Variants in SEC14L4 observed in about 807,000 individuals in gnomAD.
The protein encoded by SEC14L4 is SEC14 like lipid binding 4.
A neutral mutation model predicts 55.1 loss-of-function variants in SEC14L4; 42 were observed. The ratio of observed to expected loss-of-function variants is 0.76; its 90% confidence interval spans 0.60 to 0.99. The LOEUF (loss-of-function observed/expected upper bound fraction) is 0.99, where lower values mean the gene tolerates loss of function less well. Among genes scored for constraint, SEC14L4 ranks in the 50% least tolerant of loss-of-function variants. The pLI is 0.00. For synonymous variants in SEC14L4, 206 were observed against 206.8 expected (o/e 1.00, Z 0.03); for missense variants, 445 against 512.1 (o/e 0.87, Z 1.27).
intron 2 of SEC14L4, among the ~76,000 whole-genome samples, chr22:30,500,603 C>A (rs1936287647): frequency 2.6e-5 from 4 of 151,296 alleles, no homozygotes; most frequent in African/African-American, 9.7e-5. Context: ...CTGGGTCAAG[C>A]AATCCTCCTG....
rs1935894909 is a variant in SEC14L4, at chr22:30,489,912, T to C, written c.*195A>G. ...AGGGAAAGAGGTTCCTGTCTGAATC[T>C]TCAGCATGGGCTATGCACTGGTGGC... On this transcript the variant is annotated 3_prime_UTR_variant, in exon 12 of 12. Transcript: ENST00000255858. 3.9e-6 allele frequency: 6 copies of C among 1,551,812 alleles called. No individual in the cohort carries two copies. The highest frequency in any genetic ancestry group is 5.2e-6 in the Non-Finnish European group (6 of 1,147,016).
At chr22:30,490,354 T>C in intron 11 of SEC14L4, 108 bp from the exon 12 acceptor site, 2 of 1,535,860 alleles carry the variant, frequency 1.3e-6, no homozygotes, top group Non-Finnish European at 1.8e-6. Flanking sequence ...GCTGCATCCC[T>C]GGAACGTCCT....
At chr22:30,495,147 C>T (rs1238934161) in intron 5 of SEC14L4, 107 bp downstream of exon 5, 3 of 1,201,460 alleles carry the variant, frequency 2.5e-6, no homozygotes, top group Non-Finnish European at 3.4e-6. Context: ...CCACATTCCA[C>T]CAGAGCCCTG....
chr22:30,499,036 GT>G (rs1936238916), intron 2 of SEC14L4, among the ~76,000 whole-genome samples: 1 of 151,948 alleles, frequency 6.6e-6, no homozygotes, highest in South Asian at 2.1e-4. Context: ...CGCCTCCCGG[GT>G]TCACGCCATT....
At position 30,495,424 on chromosome 22, in the gene SEC14L4, A is replaced by G; in HGVS notation, c.253T>C (p.Ser85Pro). ...TAGTCGTAGCCACAAAGACCACCCG[A>G]GTCATACAGCTGGATGACCTGGAAG... Reference protein sequence around the residue: ...QPPEVIQLYDSGGLCGYDYEG... With the variant: ...QPPEVIQLYDPGGLCGYDYEG... The change falls in exon 5 of 12, where the codon TCG (serine) becomes CCG (proline). Residue 85 changes from serine to proline, a missense_variant. Physicochemically the swap from Ser to Pro is moderately conservative, Grantham distance 74. Coordinates refer to ENST00000255858, the MANE Select transcript of SEC14L4 (RefSeq NM_174977.4). 4.3e-6 allele frequency: 7 copies of G among 1,613,756 alleles called. No homozygotes were observed. The highest frequency in any genetic ancestry group is 5.9e-6 in the Non-Finnish European group (7 of 1,179,830).
At chr22:30,503,172 G>A (rs1936383265) in intron 2 of SEC14L4, among the ~76,000 whole-genome samples, 1 of 152,208 alleles carries the variant, frequency 6.6e-6, no homozygotes, top group Admixed American at 6.5e-5. Context: ...TGAAGAAACT[G>A]AGGCTCAGTG....
chr22:30,490,041 G>A lies in SEC14L4; in HGVS notation c.*66C>T. On this transcript the variant is annotated 3_prime_UTR_variant, in exon 12 of 12. Coordinates refer to ENST00000255858, the MANE Select transcript of SEC14L4 (RefSeq NM_174977.4). The stretch of plus-strand genomic sequence containing the variant: ...CCACCTCCAGCACCACCCTGCCTGG[G>A]AAGGCAGGGGTCAGAGGGGTGGGTG... 1 of 1,597,228 alleles carries A rather than the reference G, an allele frequency of 6.3e-7. No homozygotes were observed. Among genetic ancestry groups the A allele is most frequent in the Non-Finnish European group, 8.5e-7 (1 of 1,170,816 alleles).
At chr22:30,495,512 G>A in intron 4 of SEC14L4, 70 bp from the exon 5 acceptor site, 1 of 1,608,250 alleles carries the variant, frequency 6.2e-7, no homozygotes, top group South Asian at 1.1e-5. Context: ...TCAGGTGGCT[G>A]GACGTGGTAG....
intron 2 of SEC14L4, among the ~76,000 whole-genome samples, chr22:30,499,107 A>AT (rs1032119157): frequency 6.6e-5 from 10 of 150,730 alleles, no homozygotes; most frequent in African/African-American, 1.2e-4. Flanking sequence ...CGCCCAGCTA[A>AT]TTTTTTTTTG....
chr22:30,494,602 C>G (rs749889335), intron 6 of SEC14L4, among the ~76,000 whole-genome samples: 15 of 152,154 alleles, frequency 9.9e-5, no homozygotes, highest in Non-Finnish European at 1.8e-4. Flanking sequence ...ATCCTGAACT[C>G]CTGCTCAAGG....
In SEC14L4 at chr22:30,494,280, C is replaced by G. The variant is rs137889805; in HGVS notation, c.520-70G>C. ...TCCCGCCCATGGGTTTCTGTGGCCT[C>G]TGATGCTGCTGAGACAAGAGGCCCA... On this transcript the variant is annotated intron_variant, in intron 6 of 11. Transcript: ENST00000255858. The G allele has an allele frequency of 4.6e-3, 5,514 of 1,208,128 alleles. 16 individuals carry two copies. Among genetic ancestry groups the G allele is most frequent in the Non-Finnish European group, 5.9e-3 (4,769 of 810,738 alleles). The allele number at this position is 1,208,128 out of a possible 1,614,324, so 74.8% of individuals were successfully genotyped here. A position where few individuals can be genotyped will look rare whatever the true frequency, so the allele number is the denominator to read the frequency against.
In SEC14L4 at chr22:30,495,813, G is replaced by A. The variant is rs545876771; in HGVS notation, c.174+115C>T. The A allele has an allele frequency of 3.8e-6, 6 of 1,591,664 alleles. No individual in the cohort carries two copies. The Admixed American group carries it at 1.0e-4, about 28-fold the overall frequency. On this transcript the variant is annotated intron_variant, in intron 3 of 11. Transcript: ENST00000255858. ...GGTCTGATGCAGAAAGAGATCGGGG[G>A]AGGAAGAAAGAAGAAACAGGAGAAT... is the stretch of plus-strand genomic sequence containing the variant.
chr22:30,504,165 C>T (rs2146207549), intron 1 of SEC14L4, among the ~76,000 whole-genome samples: 1 of 152,072 alleles, frequency 6.6e-6, no homozygotes, highest in South Asian at 2.1e-4. Context: ...TCAATAGATC[C>T]TCCCAGCTCA....
intron 5 of SEC14L4, 63 bp downstream of exon 5, chr22:30,495,191 C>G: frequency 6.9e-7 from 1 of 1,455,288 alleles, no homozygotes; most frequent in South Asian, 1.4e-5. Flanking sequence ...AGGGTGCCAC[C>G]CTTCTCTGGT....
rs115390571 is a variant in SEC14L4 at position 30,489,809 on chromosome 22, G to C, written c.*298C>G. ...TCTTGTCAAGATGGGTGAAAGGGCA[G>C]CTTCTGCAAGCAGGACCCATCCTCA... is the stretch of plus-strand genomic sequence containing the variant. On this transcript the variant is annotated 3_prime_UTR_variant, in exon 12 of 12. Coordinates refer to ENST00000255858, the MANE Select transcript of SEC14L4 (RefSeq NM_174977.4). The C allele has an allele frequency of 2.5e-3, 3,674 of 1,499,502 alleles. 65 individuals carry two copies. The African/African-American group carries it at 0.041, about 17-fold the overall frequency. 92.9% of individuals were successfully genotyped at this position (1,499,502 alleles called of 1,614,324 possible). A position where few individuals can be genotyped will look rare whatever the true frequency, so the allele number is the denominator to read the frequency against.
intron 5 of SEC14L4, 71 bp from the exon 6 acceptor site, chr22:30,495,032 C>T: frequency 7.7e-7 from 1 of 1,298,954 alleles, no homozygotes; most frequent in Non-Finnish European, 1.1e-6. Flanking sequence ...GAGACTTGGG[C>T]ACCTCTCCCC....
At chr22:30,490,658 A>C (rs117059619) in intron 11 of SEC14L4, among the ~76,000 whole-genome samples, 2,654 of 152,300 alleles carry the variant, frequency 0.017, 51 homozygotes, top group Middle Eastern at 0.051. Context: ...GGGCCTCTCC[A>C]TGAACCATGG....
chr22:30,503,824 C>T, intron 1 of SEC14L4, 72 bp from the exon 2 acceptor site: 2 of 1,151,612 alleles, frequency 1.7e-6, no homozygotes, highest in East Asian at 2.4e-5. Flanking sequence ...GCCCCTAACC[C>T]TTCCCACATC....
chr22:30,498,697 G>T (rs2146190968), intron 2 of SEC14L4, among the ~76,000 whole-genome samples: 1 of 152,192 alleles, frequency 6.6e-6, no homozygotes, highest in Admixed American at 6.5e-5. Flanking sequence ...GAGGATTTTT[G>T]CTACGTAACC....
Sources: gnomAD v4.1 joint callset for allele counts (sites outside exome capture counted in the v4.1 genomes callset) on GRCh38, gnomAD v4.1.1 for gene constraint, MANE v1.5 for transcripts, NCBI Gene and HGNC (gene_info 2026-07-23, HGNC 2026-07-21) for gene names.